HGD: variants seen among roughly 807,000 people sequenced by gnomAD.
HGD encodes the protein homogentisate 1,2-dioxygenase.
In HGD, 61 loss-of-function variants were observed where a neutral mutation model predicts 60.8. The ratio of observed to expected loss-of-function variants is 1.00; its 90% CI spans 0.82 to 1.24. The LOEUF (loss-of-function observed/expected upper bound fraction) is 1.24, where lower values mean the gene tolerates loss of function less well. Among genes scored for constraint, HGD ranks in the 50% most tolerant of loss-of-function variants. The pLI, the probability that HGD is intolerant of heterozygous loss-of-function variation, is 0.00. For synonymous variants in HGD, 212 were observed against 187.7 expected (o/e 1.13, Z -1.06); for missense variants, 542 against 547.1 (o/e 0.99, Z 0.09).
chr3:120,652,989 A>G (rs1941389294), intron 4 of HGD, among the ~76,000 whole-genome samples: 1 of 152,222 alleles, frequency 6.6e-6, no homozygotes, highest in South Asian at 2.1e-4. Context: ...CAGGCACATC[A>G]GTGAGTTTTG....
Position 120,638,409 on chromosome 3 carries a change from T to C in HGD, c.1006+46A>G, listed in dbSNP as rs199823109. 12 of 1,612,244 alleles carry C rather than the reference T, an allele frequency of 7.4e-6. No homozygotes were observed. The East Asian group carries it at 2.7e-4, about 36-fold the overall frequency. ...CCAATGTGTAGCGCTCACTGCTTTGTTGTCTCTTTGGCTTGCAAATGTGGC... is the reference window on the plus strand; with the variant it reads ...CCAATGTGTAGCGCTCACTGCTTTGCTGTCTCTTTGGCTTGCAAATGTGGC... On this transcript the variant is annotated intron_variant, in intron 12 of 13. Transcript: ENST00000283871.
intron 4 of HGD, among the ~76,000 whole-genome samples, chr3:120,656,643 C>T (rs1318013627): frequency 2.0e-5 from 3 of 152,106 alleles, no homozygotes; most frequent in African/African-American, 7.2e-5. Flanking sequence ...CCTCCACCTC[C>T]TGGGTTCAAG....
intron 4 of HGD, among the ~76,000 whole-genome samples, chr3:120,656,428 A>T (rs539838182): frequency 3.9e-5 from 6 of 152,344 alleles, no homozygotes; most frequent in Admixed American, 2.0e-4. Context: ...AATAAAATCA[A>T]TTGTAATGCC....
intron 12 of HGD, among the ~76,000 whole-genome samples, chr3:120,638,063 C>T (rs449612): frequency 3.3e-5 from 5 of 152,146 alleles, no homozygotes; most frequent in Non-Finnish European, 7.3e-5. Flanking sequence ...CTGGGACTTC[C>T]TCCTTTCTCT....
At chr3:120,633,384 C>A (rs572725686) in intron 12 of HGD, 56 bp from the exon 13 acceptor site, 1 of 1,613,406 alleles carries the variant, frequency 6.2e-7, no homozygotes, top group African/African-American at 1.3e-5. Flanking sequence ...CAGTAAAACA[C>A]AAAGCCCCTT....
At chr3:120,652,491 G>A (rs1941372358) in intron 5 of HGD, 101 bp downstream of exon 5, 4 of 856,662 alleles carry the variant, frequency 4.7e-6, no homozygotes, top group Non-Finnish European at 7.9e-6. Flanking sequence ...GCTGCCTCCT[G>A]ATAGGGCTGC....
At chr3:120,655,220 A>T (rs1941458783) in intron 4 of HGD, among the ~76,000 whole-genome samples, 1 of 152,220 alleles carries the variant, frequency 6.6e-6, no homozygotes, top group African/African-American at 2.4e-5. Flanking sequence ...TGGGTTGACC[A>T]GGTCAGCTGG....
chr3:120,657,895 T>C (rs1039998146), intron 4 of HGD, among the ~76,000 whole-genome samples: 1 of 152,022 alleles, frequency 6.6e-6, no homozygotes, highest in Non-Finnish European at 1.5e-5. Context: ...CACTTTTCAA[T>C]GACCAGATCT....
At chr3:120,638,683 T>G in intron 11 of HGD, 102 bp from the exon 12 acceptor site, 1 of 1,342,506 alleles carries the variant, frequency 7.4e-7, no homozygotes, top group Non-Finnish European at 1.1e-6. Flanking sequence ...AGTGACATTC[T>G]AATTTTTTTA....
At chr3:120,638,079 G>A (rs1253387159) in intron 12 of HGD, among the ~76,000 whole-genome samples, 1 of 152,102 alleles carries the variant, frequency 6.6e-6, no homozygotes, top group African/African-American at 2.4e-5. Flanking sequence ...TCTCTTGCTT[G>A]CTCTCATCAT....
intron 3 of HGD, among the ~76,000 whole-genome samples, chr3:120,673,201 G>T (rs1708058513): frequency 6.6e-6 from 1 of 152,016 alleles, no homozygotes; most frequent in Non-Finnish European, 1.5e-5. Flanking sequence ...TTATTTTTTA[G>T]CTGAGTTTAT....
chr3:120,678,375 G>A (rs746108958), intron 1 of HGD, among the ~76,000 whole-genome samples: 3 of 152,156 alleles, frequency 2.0e-5, no homozygotes, highest in South Asian at 2.1e-4. Context: ...CAGTGCCTTC[G>A]CTTTGTTCAA....
intron 12 of HGD, among the ~76,000 whole-genome samples, chr3:120,634,126 C>T (rs989883231): frequency 2.6e-5 from 4 of 152,148 alleles, no homozygotes; most frequent in Admixed American, 2.0e-4. Context: ...CTGATTACCT[C>T]CCGGGCTCTG....
At chr3:120,638,664 G>A in intron 11 of HGD, 83 bp from the exon 12 acceptor site, 2 of 1,430,688 alleles carry the variant, frequency 1.4e-6, no homozygotes, top group Non-Finnish European at 2.0e-6. Context: ...ATACATGAAG[G>A]TGTTTGCAAG....
intron 4 of HGD, 151 bp from the exon 5 acceptor site, chr3:120,652,802 C>A: frequency 1.6e-6 from 1 of 642,766 alleles, no homozygotes; most frequent in Admixed American, 2.3e-5. Context: ...AATGATTATC[C>A]ATCATTTCCT....
intron 13 of HGD, among the ~76,000 whole-genome samples, chr3:120,630,863 C>G (rs1445199338): frequency 6.7e-6 from 1 of 148,412 alleles, no homozygotes; most frequent in African/African-American, 2.5e-5. Flanking sequence ...CACACACACA[C>G]ACACACACAC....
In HGD at chr3:120,633,172, G is replaced by A. The variant is rs1237573693; in HGVS notation, c.1163C>T (p.Pro388Leu). The change falls in exon 13 of 14, where the codon CCT (proline) becomes CTT (leucine). Residue 388 changes from proline (P) to leucine (L), a missense_variant. Physicochemically the swap from Pro to Leu is moderately conservative, Grantham distance 98. Around this residue, in one of 2 missense-constraint regions of HGD, gnomAD observed 537 missense variants for 529.1 expected, o/e 1.01. Coordinates refer to ENST00000283871, the MANE Select transcript of HGD (RefSeq NM_000187.4). ...CATGGTGCCATCGGCAATCCTCTCAGGTGCCAGCTTGACCTTGCTGGCCTT... is the reference window on the plus strand; with the variant it reads ...CATGGTGCCATCGGCAATCCTCTCAAGTGCCAGCTTGACCTTGCTGGCCTT... ...FEKASKVKLA[P>L]ERIADGTMAF... The A allele has an allele frequency of 1.2e-6, 2 of 1,614,090 alleles. No homozygotes were observed. The highest frequency in any genetic ancestry group is 4.5e-5 in the East Asian group (2 of 44,876).
intron 3 of HGD, among the ~76,000 whole-genome samples, chr3:120,673,294 G>T (rs1010353291): frequency 3.3e-5 from 5 of 152,176 alleles, no homozygotes; most frequent in Admixed American, 1.3e-4. Context: ...TTAATGAAAT[G>T]CCAACAGCTC....
chr3:120,656,705 C>G (rs929077999), intron 4 of HGD, among the ~76,000 whole-genome samples: 2 of 152,040 alleles, frequency 1.3e-5, no homozygotes, highest in Admixed American at 6.6e-5. Flanking sequence ...GTGCATGCCC[C>G]CATGCCCGGG....
Sources: allele counts gnomAD v4.1 joint callset (sites outside exome capture counted in the v4.1 genomes callset), GRCh38; gene constraint gnomAD v4.1.1; regional missense constraint gnomAD v4.1.1; transcripts MANE v1.5; gene names NCBI Gene and HGNC (gene_info 2026-07-23, HGNC 2026-07-21).